The following GPC6 variants were observed in gnomAD, a reference collection of about 807,000 sequenced individuals.
GPC6 encodes the protein glypican-6.
Under a neutral mutation model 55.2 loss-of-function variants are expected in GPC6, and 14 were observed. That is an observed-to-expected ratio of 0.25 (90% CI 0.17 to 0.40). The LOEUF is 0.40. GPC6 is among the 10% of genes least tolerant of loss of function. The pLI, the probability that GPC6 is intolerant of heterozygous loss-of-function variation, is 1.00. For missense variants in GPC6, 641 were observed against 708.5 expected (o/e 0.90, Z 1.08); for synonymous variants, 278 against 259.6 (o/e 1.07, Z -0.68).
chr13:93,653,243 C>G (rs1230065311), intron 2 of GPC6, among the ~76,000 whole-genome samples: 2 of 152,186 alleles, frequency 1.3e-5, no homozygotes, highest in Non-Finnish European at 2.9e-5. Flanking sequence ...GCAAGTTTCT[C>G]TCTTGTATGT....
At chr13:94,146,260 T>C (rs1463265581) in intron 4 of GPC6, among the ~76,000 whole-genome samples, 4 of 152,108 alleles carry the variant, frequency 2.6e-5, no homozygotes, top group African/African-American at 4.8e-5. Context: ...ATATATGTTG[T>C]TCTGAATTGA....
chr13:93,314,792 G>C (rs371666176), intron 1 of GPC6, among the ~76,000 whole-genome samples: 3 of 151,104 alleles, frequency 2.0e-5, no homozygotes, highest in South Asian at 4.2e-4. Flanking sequence ...GATTGGTTAT[G>C]ATGTTATACA....
chr13:94,154,222 T>A lies in GPC6; in HGVS notation c.877+126328T>A, dbSNP rs994679071. 4.5e-5 allele frequency: 6 copies of A among 134,356 alleles called. No individual in the cohort carries two copies. In the South Asian group the frequency reaches 7.6e-4, roughly 17 times the overall value. The allele number at this position is 134,356 out of a possible 1,614,324, so 8.3% of individuals were successfully genotyped here. ...TTAGCTTATTATGGGAGGATTTTTTTATTGCGATTTTTTTTTACAGCTACT... is the reference window on the plus strand; with the variant it reads ...TTAGCTTATTATGGGAGGATTTTTTAATTGCGATTTTTTTTTACAGCTACT... On this transcript the variant is annotated intron_variant, in intron 4 of 8. Coordinates refer to ENST00000377047, the MANE Select transcript of GPC6 (RefSeq NM_005708.5).
chr13:94,350,596 G>T (rs1878492787), intron 6 of GPC6, among the ~76,000 whole-genome samples: 2 of 152,082 alleles, frequency 1.3e-5, no homozygotes, highest in Admixed American at 6.5e-5. Flanking sequence ...AGAAGGCATT[G>T]TTAAATACAT....
Position 93,697,899 on chromosome 13 carries a change from T to A in GPC6, c.320-132255T>A, listed in dbSNP as rs546971389. Among the ~76,000 whole-genome samples the A allele has an allele frequency of 2.6e-4, 40 of 152,332 alleles. No individual in the cohort carries two copies. In the South Asian group the frequency reaches 8.1e-3, roughly 31 times the overall value. ...TGCTTTCATCTTTATATTTATTTTA[T>A]GATTATCATGTGCTGCTTTTATTTC... On this transcript the variant is annotated intron_variant, in intron 2 of 8. Transcript: ENST00000377047.
At chr13:94,031,709 T>C (rs1353373579) in intron 4 of GPC6, among the ~76,000 whole-genome samples, 1 of 152,208 alleles carries the variant, frequency 6.6e-6, no homozygotes, top group Non-Finnish European at 1.5e-5. Flanking sequence ...AATTAAAATC[T>C]CCTAGAGGGA....
intron 2 of GPC6, among the ~76,000 whole-genome samples, chr13:93,712,428 A>G (rs1481598446): frequency 6.6e-6 from 1 of 151,630 alleles, no homozygotes; most frequent in Non-Finnish European, 1.5e-5. Context: ...AATATAAAGT[A>G]TGTCCTCACC....
intron 1 of GPC6, among the ~76,000 whole-genome samples, chr13:93,258,843 GGGAGGCTTA>G (rs1315464817): frequency 6.6e-6 from 1 of 152,096 alleles, no homozygotes; most frequent in Non-Finnish European, 1.5e-5. Flanking sequence ...CTAGCTACTT[GGGAGGCTTA>G]GCTGGGAGGA....
intron 2 of GPC6, among the ~76,000 whole-genome samples, chr13:93,807,610 G>A (rs1463548051): frequency 6.6e-6 from 1 of 152,106 alleles, no homozygotes; most frequent in African/African-American, 2.4e-5. Flanking sequence ...CTGATCCAGG[G>A]AACACACTTT....
chr13:94,166,982 TA>T (rs530059248), intron 4 of GPC6, among the ~76,000 whole-genome samples: 137 of 152,204 alleles, frequency 9.0e-4, no homozygotes, highest in Non-Finnish European at 1.6e-3. Context: ...AATAGAATAA[TA>T]AATTAAATAA....
intron 6 of GPC6, among the ~76,000 whole-genome samples, chr13:94,313,244 A>G (rs2139120620): frequency 6.6e-6 from 1 of 152,308 alleles, no homozygotes; most frequent in South Asian, 2.1e-4. Context: ...GGAACATCAT[A>G]AGACACATAT....
chr13:93,528,149 A>C (rs1018733440), intron 1 of GPC6, among the ~76,000 whole-genome samples: 1 of 152,166 alleles, frequency 6.6e-6, no homozygotes, highest in African/African-American at 2.4e-5. Context: ...TGGGCTTTGA[A>C]CAGTAAATCT....
At chr13:94,239,501 AATG>A (rs1286814256) in intron 4 of GPC6, among the ~76,000 whole-genome samples, 13 of 152,144 alleles carry the variant, frequency 8.5e-5, no homozygotes, top group African/African-American at 3.1e-4. Context: ...TGATTCTTGG[AATG>A]ATTTTAGTAG....
At chr13:94,163,406 T>A (rs1888237618) in intron 4 of GPC6, among the ~76,000 whole-genome samples, 1 of 152,132 alleles carries the variant, frequency 6.6e-6, no homozygotes, top group African/African-American at 2.4e-5. Flanking sequence ...ATTTTTCCCC[T>A]AAATTCTCAT....
chr13:94,398,536 A>G lies in GPC6; in HGVS notation c.1360A>G (p.Thr454Ala). 1 of 1,613,452 alleles carries G rather than the reference A, an allele frequency of 6.2e-7. No homozygotes were observed. Among genetic ancestry groups the G allele is most frequent in the South Asian group, 1.1e-5 (1 of 91,060 alleles). ...INNPEVDVDI[T>A]RPDTFIRQQI... ...CAATCCCGAGGTGGATGTGGACATC[A>G]CTCGGCCTGACACTTTCATCAGACA... The change falls in exon 8 of 9, where the codon ACT becomes GCT. Residue 454 changes from threonine to alanine, a missense_variant. Transcript: ENST00000377047.
rs1195950207 is a variant in GPC6 at position 93,715,116 on chromosome 13, C to A, written c.320-115038C>A. Among the ~76,000 whole-genome samples the A allele has an allele frequency of 2.6e-5, 4 of 151,594 alleles. No individual in the cohort carries two copies. In the East Asian group the frequency reaches 7.8e-4, roughly 30 times the overall value. On this transcript the variant is annotated intron_variant, in intron 2 of 8. Transcript: ENST00000377047. Reference sequence around the variant, plus strand: ...TGACCTGTTGTCTTGGAAACTAGTTCTGCTGAATTTCTATCTCAGTACTAC... The same window carrying A: ...TGACCTGTTGTCTTGGAAACTAGTTATGCTGAATTTCTATCTCAGTACTAC...
intron 3 of GPC6, among the ~76,000 whole-genome samples, chr13:93,849,249 C>T (rs1425906825): frequency 3.9e-5 from 6 of 151,934 alleles, no homozygotes; most frequent in Non-Finnish European, 8.8e-5. Context: ...TATTCATATG[C>T]GTTATAACAT....
chr13:93,766,354 A>C (rs1216065529), intron 2 of GPC6, among the ~76,000 whole-genome samples: 1 of 152,110 alleles, frequency 6.6e-6, no homozygotes, highest in Non-Finnish European at 1.5e-5. Context: ...CTTTGTTAAG[A>C]AGTCCAGTTA....
intron 2 of GPC6, among the ~76,000 whole-genome samples, chr13:93,664,510 G>C (rs1231169000): frequency 6.6e-6 from 1 of 152,148 alleles, no homozygotes; most frequent in Non-Finnish European, 1.5e-5. Context: ...CCATTTGATA[G>C]AAACAAATAA....
Sources: allele counts gnomAD v4.1 joint callset (sites outside exome capture counted in the v4.1 genomes callset), GRCh38; gene constraint gnomAD v4.1.1; transcripts MANE v1.5; gene names NCBI Gene and HGNC (gene_info 2026-07-23, HGNC 2026-07-21).